PHF20: variants seen among roughly 807,000 people sequenced by gnomAD.
PHF20 encodes the protein glioma-expressed antigen 2.
A neutral mutation model predicts 113.5 loss-of-function variants in PHF20; 23 were observed. That is an observed-to-expected ratio of 0.20 (90% confidence interval 0.15 to 0.29). The LOEUF (loss-of-function observed/expected upper bound fraction) is 0.29. Ranked by LOEUF, PHF20 falls within the 10% of genes least tolerant of loss-of-function variation. The probability of loss-of-function intolerance (pLI) is 1.00; values close to 1 mark genes in which losing one functional copy is unlikely to be tolerated. For missense variants in PHF20, 943 were observed against 1,219.6 expected (o/e 0.77, Z 3.38); for synonymous variants, 434 against 457.3 (o/e 0.95, Z 0.65).
chr20:35,938,456 T>G (rs1415737330), intron 15 of PHF20, among the ~76,000 whole-genome samples: 1 of 152,056 alleles, frequency 6.6e-6, no homozygotes, highest in Admixed American at 6.6e-5. Context: ...TGAAATCCAG[T>G]CAGGTCTTCT....
intron 2 of PHF20, among the ~76,000 whole-genome samples, chr20:35,836,641 G>A (rs558483439): frequency 1.4e-4 from 21 of 151,608 alleles, no homozygotes; most frequent in Non-Finnish European, 2.5e-4. Context: ...TCAGGAGATC[G>A]AGACCATCCT....
chr20:35,862,883 CTT>C, intron 5 of PHF20, 128 bp from the exon 6 acceptor site: 3 of 827,794 alleles, frequency 3.6e-6, no homozygotes, highest in Non-Finnish European at 5.7e-6. Context: ...GTCAGTGGTG[CTT>C]TGTATATGTG....
chr20:35,824,916 G>A (rs1334013685), intron 2 of PHF20, among the ~76,000 whole-genome samples: 3 of 152,148 alleles, frequency 2.0e-5, no homozygotes, highest in Non-Finnish European at 2.9e-5. Context: ...TATGTTGTAC[G>A]TTACTGCTTT....
chr20:35,791,603 G>A (rs963998899), intron 1 of PHF20, among the ~76,000 whole-genome samples: 10 of 148,754 alleles, frequency 6.7e-5, no homozygotes, highest in African/African-American at 2.2e-4. Context: ...AATAGTATTT[G>A]TCATAAAATA....
intron 9 of PHF20, among the ~76,000 whole-genome samples, chr20:35,888,012 C>A (rs2054770720): frequency 6.8e-6 from 1 of 147,976 alleles, no homozygotes; most frequent in African/African-American, 2.5e-5. Context: ...CAGAGTTTCG[C>A]TCTTGTTGCC....
chr20:35,869,379 A>G (rs1342386026), intron 6 of PHF20, 59 bp from the exon 7 acceptor site: 1 of 829,714 alleles, frequency 1.2e-6, no homozygotes, highest in Non-Finnish European at 2.0e-6. Flanking sequence ...TTATATATAA[A>G]AATGACAGAC....
At chr20:35,878,324 C>G (rs778135992) in intron 9 of PHF20, among the ~76,000 whole-genome samples, 2 of 152,132 alleles carry the variant, frequency 1.3e-5, no homozygotes, top group South Asian at 4.1e-4. Flanking sequence ...TCATGACAAA[C>G]TTAGAATGAA....
intron 9 of PHF20, among the ~76,000 whole-genome samples, chr20:35,880,344 T>C (rs532188881): frequency 5.3e-5 from 8 of 152,264 alleles, no homozygotes; most frequent in African/African-American, 4.8e-5. Context: ...TTTGAGGTAA[T>C]TGCAGACTTC....
At chr20:35,818,965 C>T (rs931629322) in intron 2 of PHF20, among the ~76,000 whole-genome samples, 1 of 151,704 alleles carries the variant, frequency 6.6e-6, no homozygotes, top group Non-Finnish European at 1.5e-5. Flanking sequence ...CAGTCTTGCT[C>T]TGCTGCCCAG....
intron 6 of PHF20, among the ~76,000 whole-genome samples, chr20:35,866,407 C>G (rs933791848): frequency 6.6e-6 from 1 of 152,004 alleles, no homozygotes; most frequent in Non-Finnish European, 1.5e-5. Context: ...CTGTATACCA[C>G]CCTTAGGAAA....
chr20:35,937,741 G>T (rs950701548), intron 15 of PHF20, among the ~76,000 whole-genome samples: 7 of 152,182 alleles, frequency 4.6e-5, no homozygotes, highest in African/African-American at 1.7e-4. Flanking sequence ...ATATGTCAAA[G>T]AAATATATTT....
intron 12 of PHF20, among the ~76,000 whole-genome samples, chr20:35,915,791 A>G (rs2055393112): frequency 6.6e-6 from 1 of 152,208 alleles, no homozygotes; most frequent in Admixed American, 6.5e-5. Context: ...TTTTGATGTA[A>G]TGTTCAAAAA....
chr20:35,929,736 C>T (rs1373050241), intron 14 of PHF20, among the ~76,000 whole-genome samples: 1 of 152,218 alleles, frequency 6.6e-6, no homozygotes, highest in Admixed American at 6.5e-5. Context: ...CGACTTTAAT[C>T]GCCAATACTG....
intron 10 of PHF20, among the ~76,000 whole-genome samples, chr20:35,909,027 C>G (rs1164259407): frequency 6.6e-6 from 1 of 152,072 alleles, no homozygotes; most frequent in East Asian, 1.9e-4. Flanking sequence ...ATTTCCTTTT[C>G]TGGCTTATTC....
intron 5 of PHF20, among the ~76,000 whole-genome samples, chr20:35,859,067 T>G (rs2054169679): frequency 6.6e-6 from 1 of 152,226 alleles, no homozygotes; most frequent in African/African-American, 2.4e-5. Context: ...ATGTTTTCTG[T>G]CCATCTAGCT....
chr20:35,894,386 G>A (rs1469564501), intron 9 of PHF20, among the ~76,000 whole-genome samples: 5 of 152,272 alleles, frequency 3.3e-5, no homozygotes, highest in South Asian at 2.1e-4. Flanking sequence ...TTTGAAATAG[G>A]TGGTATTCTT....
chr20:35,890,927 C>T (rs56743971), intron 9 of PHF20, among the ~76,000 whole-genome samples: 1,603 of 152,150 alleles, frequency 0.011, 17 homozygotes, highest in East Asian at 0.04. Flanking sequence ...CTAAACAAAA[C>T]TGGGTTTTGT....
At chr20:35,885,944 T>G (rs998420016) in intron 9 of PHF20, among the ~76,000 whole-genome samples, 3 of 152,114 alleles carry the variant, frequency 2.0e-5, no homozygotes, top group Admixed American at 6.6e-5. Flanking sequence ...TATCTAACTT[T>G]CATCATTCTT....
At chr20:35,856,860 G>A (rs902739482) in intron 4 of PHF20, among the ~76,000 whole-genome samples, 19 of 152,174 alleles carry the variant, frequency 1.2e-4, no homozygotes, top group African/African-American at 4.3e-4. Flanking sequence ...GAGTTGGTGG[G>A]TATTGGATGG....
Sources: gnomAD v4.1 joint callset for allele counts (sites outside exome capture counted in the v4.1 genomes callset) on GRCh38, gnomAD v4.1.1 for gene constraint, MANE v1.5 for transcripts, NCBI Gene and HGNC (gene_info 2026-07-23, HGNC 2026-07-21) for gene names.